The following RASGRP3 variants were observed in gnomAD, a reference collection of about 807,000 sequenced individuals.
RASGRP3 encodes the protein ras guanyl-releasing protein 3.
In RASGRP3, 54 loss-of-function variants were observed where a neutral mutation model predicts 82.7. The ratio of observed to expected loss-of-function variants is 0.65; its 90% CI spans 0.52 to 0.82. RASGRP3 has a LOEUF of 0.82. RASGRP3 is among the 40% of genes least tolerant of loss of function. RASGRP3 has a pLI of 0.00. For missense variants in RASGRP3, 861 were observed against 828.9 expected, an observed-to-expected ratio of 1.04 and a Z score of -0.48; for synonymous variants, 309 against 300.5, an observed-to-expected ratio of 1.03 and a Z score of -0.29.
intron 2 of RASGRP3, among the ~76,000 whole-genome samples, chr2:33,449,363 A>G (rs1665663977): frequency 6.6e-6 from 1 of 152,234 alleles, no homozygotes; most frequent in South Asian, 2.1e-4. Context: ...TACTTTTAAG[A>G]CATAATACGT....
At chr2:33,493,059 C>G (rs1668994486) in intron 1 of RASGRP3, 2 of 152,168 alleles carry the variant, frequency 1.3e-5, no homozygotes, top group Non-Finnish European at 2.9e-5. Flanking sequence ...TTTAGGTGTT[C>G]ATTTCACTGG....
chr2:33,454,432 C>G (rs1665941857), intron 2 of RASGRP3, among the ~76,000 whole-genome samples: 1 of 152,110 alleles, frequency 6.6e-6, no homozygotes, highest in South Asian at 2.1e-4. Context: ...GGTAGAGGGT[C>G]TGGGGTAGGC....
intron 2 of RASGRP3, among the ~76,000 whole-genome samples, chr2:33,471,476 C>A (rs1452164955): frequency 6.6e-6 from 1 of 151,756 alleles, no homozygotes; most frequent in East Asian, 1.9e-4. Flanking sequence ...GCCACTATTC[C>A]CAGCCTTATT....
At chr2:33,475,189 A>C (rs1667283690), upstream of RASGRP3, among the ~76,000 whole-genome samples, 1 of 152,220 alleles carries the variant, frequency 6.6e-6, no homozygotes, top group African/African-American at 2.4e-5. Context: ...TATTTCTATT[A>C]CTAACTTGAA....
chr2:33,445,196 G>C (rs1665437073), intron 1 of RASGRP3, among the ~76,000 whole-genome samples: 1 of 152,184 alleles, frequency 6.6e-6, no homozygotes, highest in African/African-American at 2.4e-5. Context: ...GCTAAATACG[G>C]AGATACAAAA....
chr2:33,534,352 T>C lies in RASGRP3; in HGVS notation c.1113T>C (p.Asp371=), dbSNP rs550267818. The C allele has an allele frequency of 1.3e-4, 208 of 1,580,226 alleles. 2 individuals are homozygous for C. In the South Asian group the frequency reaches 2.1e-3, roughly 16 times the overall value. The change falls in exon 11 of 18, where the codon GAT becomes GAC. Residue 371 remains aspartate, a synonymous_variant. Coordinates refer to ENST00000403687, the MANE Select transcript of RASGRP3 (RefSeq NM_001139488.2). ...CCCTGGACCTCTATCACACTGAAGA[T>C]GATATTTACAAACTGTCACTGGTGC... ...TLSLDLYHTE[D]DIYKLSLVLE... is the part of the protein sequence containing the mutation.
At chr2:33,494,930 G>A (rs1338995535) in intron 1 of RASGRP3, among the ~76,000 whole-genome samples, 2 of 152,224 alleles carry the variant, frequency 1.3e-5, no homozygotes, top group Non-Finnish European at 2.9e-5. Context: ...CTTGACAAAT[G>A]CTGCAGAAAT....
chr2:33,543,798 C>T (rs1246848673), intron 13 of RASGRP3, among the ~76,000 whole-genome samples, 171 bp downstream of exon 13: 1 of 152,144 alleles, frequency 6.6e-6, no homozygotes, highest in African/African-American at 2.4e-5. Context: ...TGAACATGAC[C>T]TGAATGGAAT....
chr2:33,524,774 A>G (rs1418279105), intron 9 of RASGRP3, among the ~76,000 whole-genome samples: 1 of 152,134 alleles, frequency 6.6e-6, no homozygotes, highest in Non-Finnish European at 1.5e-5. Context: ...ATGCTTTGAC[A>G]TACCATTAGA....
At chr2:33,468,311 T>C (rs1052207277) in intron 2 of RASGRP3, among the ~76,000 whole-genome samples, 4 of 151,946 alleles carry the variant, frequency 2.6e-5, no homozygotes, top group African/African-American at 9.7e-5. Flanking sequence ...CATATTTTCT[T>C]AGAAAAATGG....
At chr2:33,493,076 T>C (rs1668996177) in intron 1 of RASGRP3, 1 of 152,224 alleles carries the variant, frequency 6.6e-6, no homozygotes, top group African/African-American at 2.4e-5. Context: ...CTGGGCAGGT[T>C]GTCTACCAGA....
At chr2:33,507,680 C>A (rs537009838) in intron 1 of RASGRP3, among the ~76,000 whole-genome samples, 63 of 152,254 alleles carry the variant, frequency 4.1e-4, no homozygotes, top group African/African-American at 1.5e-3. Flanking sequence ...CATGTGCCAC[C>A]ACGCCTGGCT....
In RASGRP3 at chr2:33,524,026, A is replaced by G; in HGVS notation, c.664A>G (p.Ile222Val). The change falls in exon 8 of 18, where the codon ATC (isoleucine) becomes GTC (valine). Residue 222 changes from isoleucine to valine, a missense_variant. Transcript: ENST00000403687. ...KPTPQQRAEV[I>V]TKFINVAKKL... ...AACCCCCCAGCAAAGGGCAGAAGTC[A>G]TCACAAAGTTTATCAATGTTGCAAA... 6.2e-7 allele frequency: 1 copy of G among 1,613,956 alleles called. No homozygotes were observed. Among genetic ancestry groups the G allele is most frequent in the Non-Finnish European group, 8.5e-7 (1 of 1,179,858 alleles).
chr2:33,493,267 A>C (rs1030839715), intron 1 of RASGRP3: 2 of 152,222 alleles, frequency 1.3e-5, no homozygotes, highest in Admixed American at 6.5e-5. Flanking sequence ...CACTTATCCC[A>C]TCCCTATCCT....
At chr2:33,468,664 T>A (rs1308937711) in intron 2 of RASGRP3, among the ~76,000 whole-genome samples, 2 of 152,184 alleles carry the variant, frequency 1.3e-5, no homozygotes, top group Non-Finnish European at 2.9e-5. Context: ...CCTCCCAAAG[T>A]GCTGGGATTA....
At chr2:33,496,748 T>G (rs1213160287) in intron 1 of RASGRP3, among the ~76,000 whole-genome samples, 1 of 152,156 alleles carries the variant, frequency 6.6e-6, no homozygotes, top group Non-Finnish European at 1.5e-5. Flanking sequence ...TCCCAACTAC[T>G]CAGAAGGCTG....
intron 14 of RASGRP3, among the ~76,000 whole-genome samples, chr2:33,553,029 G>C (rs1675521801): frequency 6.6e-6 from 1 of 152,126 alleles, no homozygotes; most frequent in South Asian, 2.1e-4. Flanking sequence ...TTTGTTCCTG[G>C]CTATTAAGTA....
upstream of RASGRP3, chr2:33,476,609 C>G (rs1667392919): frequency 6.6e-6 from 1 of 152,198 alleles, no homozygotes; most frequent in Admixed American, 6.5e-5. Context: ...GACTCAGAGC[C>G]CCAGCTTGAA....
chr2:33,469,414 T>G (rs1666920657), intron 2 of RASGRP3, among the ~76,000 whole-genome samples: 1 of 152,130 alleles, frequency 6.6e-6, no homozygotes, highest in South Asian at 2.1e-4. Flanking sequence ...TTAAAACAAT[T>G]TTAAGATTAT....
Sources: allele counts gnomAD v4.1 joint callset (sites outside exome capture counted in the v4.1 genomes callset), GRCh38; gene constraint gnomAD v4.1.1; transcripts MANE v1.5; gene names NCBI Gene and HGNC (gene_info 2026-07-23, HGNC 2026-07-21).